PEBP4: variants seen among roughly 807,000 people sequenced by gnomAD.
PEBP4 encodes phosphatidylethanolamine-binding protein 4.
Under a neutral mutation model 23.9 loss-of-function variants are expected in PEBP4, and 22 were observed. The ratio of observed to expected loss-of-function variants is 0.92; its 90% confidence interval spans 0.66 to 1.31. The LOEUF (loss-of-function observed/expected upper bound fraction) is 1.31, where lower values mean the gene tolerates loss of function less well. Among genes scored for constraint, PEBP4 ranks in the 40% most tolerant of loss-of-function variants. The pLI is 0.00. For synonymous variants in PEBP4, 112 were observed against 99.3 expected (o/e 1.13, Z -0.76); for missense variants, 324 against 281.7 (o/e 1.15, Z -1.07).
intron 4 of PEBP4, chr8:22,757,382 T>A (rs1805409583): frequency 6.6e-6 from 1 of 152,238 alleles, no homozygotes; most frequent in African/African-American, 2.4e-5. Flanking sequence ...TTTCAGCAAC[T>A]TCATGGCAAC....
At chr8:22,882,282 T>C (rs974241551) in intron 3 of PEBP4, among the ~76,000 whole-genome samples, 8 of 152,188 alleles carry the variant, frequency 5.3e-5, no homozygotes, top group Non-Finnish European at 8.8e-5. Context: ...ATGGGATGTC[T>C]TAGTCCAACT....
intron 4 of PEBP4, among the ~76,000 whole-genome samples, chr8:22,790,138 T>C (rs564218247): frequency 3.9e-5 from 6 of 152,360 alleles, no homozygotes; most frequent in African/African-American, 1.4e-4. Flanking sequence ...CTTTATTTCA[T>C]ATGCCTGTTA....
At chr8:22,916,395 T>C (rs892833014) in intron 3 of PEBP4, among the ~76,000 whole-genome samples, 5 of 152,224 alleles carry the variant, frequency 3.3e-5, no homozygotes, top group African/African-American at 9.6e-5. Context: ...CGCTCAGCCA[T>C]AGCTGGCACG....
At chr8:22,881,752 G>A (rs747731485) in intron 3 of PEBP4, among the ~76,000 whole-genome samples, 1 of 152,218 alleles carries the variant, frequency 6.6e-6, no homozygotes, top group South Asian at 2.1e-4. Context: ...ATGACAGAGG[G>A]AGGCAGTAGC....
intron 4 of PEBP4, among the ~76,000 whole-genome samples, chr8:22,728,958 G>T (rs1183033852): frequency 6.6e-6 from 1 of 152,156 alleles, no homozygotes; most frequent in Non-Finnish European, 1.5e-5. Flanking sequence ...CTGCTCAGGA[G>T]GATCTGGGCA....
chr8:22,812,885 G>A (rs1411067188), intron 4 of PEBP4, among the ~76,000 whole-genome samples: 1 of 152,124 alleles, frequency 6.6e-6, no homozygotes, highest in African/African-American at 2.4e-5. Flanking sequence ...CTTTGCATAT[G>A]TAATTTCCTT....
At chr8:22,836,649 C>T (rs991413454) in intron 3 of PEBP4, among the ~76,000 whole-genome samples, 3 of 152,170 alleles carry the variant, frequency 2.0e-5, no homozygotes, top group South Asian at 2.1e-4. Context: ...GTGGGCCAGC[C>T]GGGTGGCGAG....
chr8:22,721,560 G>C (rs942021427), intron 6 of PEBP4, among the ~76,000 whole-genome samples: 1 of 152,162 alleles, frequency 6.6e-6, no homozygotes, highest in Non-Finnish European at 1.5e-5. Flanking sequence ...GAAGAGGCCT[G>C]AACAGGATGG....
At chr8:22,718,760 T>A (rs1804462096) in intron 6 of PEBP4, among the ~76,000 whole-genome samples, 2 of 152,052 alleles carry the variant, frequency 1.3e-5, no homozygotes, top group African/African-American at 4.8e-5. Flanking sequence ...TGTGTTTGTG[T>A]CTGTCTGTGT....
intron 3 of PEBP4, among the ~76,000 whole-genome samples, chr8:22,917,068 G>A (rs1563260504): frequency 6.6e-6 from 1 of 151,082 alleles, no homozygotes; most frequent in Non-Finnish European, 1.5e-5. Flanking sequence ...CTCTATGGTG[G>A]GCACAGAGGC....
chr8:22,923,382 C>T (rs566214488), intron 2 of PEBP4, among the ~76,000 whole-genome samples: 4 of 152,224 alleles, frequency 2.6e-5, no homozygotes, highest in South Asian at 4.2e-4. Context: ...GCCTGGGCAA[C>T]GTAGTGAGAT....
chr8:22,819,986 G>C (rs1268947177), intron 3 of PEBP4, among the ~76,000 whole-genome samples: 1 of 152,210 alleles, frequency 6.6e-6, no homozygotes, highest in Non-Finnish European at 1.5e-5. Context: ...AGAGATGACA[G>C]AGAGGAGGAA....
chr8:22,826,012 G>T (rs1806959141), intron 3 of PEBP4, among the ~76,000 whole-genome samples: 1 of 152,194 alleles, frequency 6.6e-6, no homozygotes, highest in African/African-American at 2.4e-5. Context: ...GAGGAATGGT[G>T]GTTGCCAGGG....
chr8:22,818,233 T>C (rs1476420093), intron 3 of PEBP4, among the ~76,000 whole-genome samples: 6 of 152,320 alleles, frequency 3.9e-5, no homozygotes, highest in African/African-American at 1.4e-4. Flanking sequence ...CAGAAGCTGC[T>C]CTAGGTGCCA....
chr8:22,777,268 C>T (rs546240047), intron 4 of PEBP4, among the ~76,000 whole-genome samples: 1 of 152,300 alleles, frequency 6.6e-6, no homozygotes, highest in South Asian at 2.1e-4. Context: ...CTTCCTCCAT[C>T]TGCATCATCT....
intron 3 of PEBP4, chr8:22,885,816 G>C (rs1808360719): frequency 6.6e-6 from 1 of 152,164 alleles, no homozygotes; most frequent in Non-Finnish European, 1.5e-5. Context: ...TGTGTCCCAG[G>C]CACACCGTCT....
intron 4 of PEBP4, among the ~76,000 whole-genome samples, chr8:22,795,864 T>C (rs4871836): frequency 0.36 from 54,907 of 152,160 alleles, 10,241 homozygotes; most frequent in Middle Eastern, 0.45. Context: ...ATTTTCTGAA[T>C]CAAAAAATCA....
chr8:22,895,229 G>A (rs949975416), intron 3 of PEBP4, among the ~76,000 whole-genome samples: 2 of 152,162 alleles, frequency 1.3e-5, no homozygotes, highest in Non-Finnish European at 2.9e-5. Context: ...TGGGTTATCT[G>A]AAATGAAACC....
intron 4 of PEBP4, among the ~76,000 whole-genome samples, chr8:22,813,587 T>C (rs1806677653): frequency 6.6e-6 from 1 of 152,186 alleles, no homozygotes; most frequent in African/African-American, 2.4e-5. Flanking sequence ...ATGATGCAAA[T>C]TAATTGATAT....
Sources: allele counts gnomAD v4.1 joint callset (sites outside exome capture counted in the v4.1 genomes callset), GRCh38; gene constraint gnomAD v4.1.1; transcripts MANE v1.5; gene names NCBI Gene and HGNC (gene_info 2026-07-23, HGNC 2026-07-21).